The following PEX14 variants were observed in gnomAD, a reference collection of about 807,000 sequenced individuals.
PEX14 encodes the protein peroxisomal membrane protein PEX14.
In PEX14, 15 loss-of-function variants were observed where a neutral mutation model predicts 49.5. That is an observed-to-expected ratio of 0.30 (90% CI 0.20 to 0.47). PEX14 has a LOEUF of 0.47. Among genes scored for constraint, PEX14 ranks in the 20% least tolerant of loss-of-function variants. The pLI, the probability that PEX14 is intolerant of heterozygous loss-of-function variation, is 1.00. For synonymous variants in PEX14, 210 were observed against 212.7 expected, an observed-to-expected ratio of 0.99 and a Z score of 0.11; for missense variants, 398 against 494.8, an observed-to-expected ratio of 0.80 and a Z score of 1.86.
At chr1:10,590,013 C>T (rs1333616784) in intron 3 of PEX14, among the ~76,000 whole-genome samples, 1 of 152,192 alleles carries the variant, frequency 6.6e-6, no homozygotes, top group Non-Finnish European at 1.5e-5. Context: ...TCCACCCCCG[C>T]CCCATGCTGT....
At chr1:10,607,893 C>CT (rs1641169070) in intron 4 of PEX14, among the ~76,000 whole-genome samples, 1 of 152,122 alleles carries the variant, frequency 6.6e-6, no homozygotes, top group South Asian at 2.1e-4. Context: ...ATATATTTAT[C>CT]TTTTTTTCCT....
intron 2 of PEX14, among the ~76,000 whole-genome samples, chr1:10,517,654 C>CTTT (rs57222349): frequency 7.3e-6 from 1 of 136,736 alleles, no homozygotes. Context: ...CCATTTTGTT[C>CTTT]TTTTTTTTTT....
At chr1:10,602,978 A>G (rs968030874) in intron 4 of PEX14, among the ~76,000 whole-genome samples, 9 of 151,860 alleles carry the variant, frequency 5.9e-5, no homozygotes, top group African/African-American at 2.2e-4. Flanking sequence ...AGCCCCAAAC[A>G]CTCAGGTCTC....
At chr1:10,522,416 G>A (rs1638329942) in intron 2 of PEX14, among the ~76,000 whole-genome samples, 1 of 152,200 alleles carries the variant, frequency 6.6e-6, no homozygotes, top group African/African-American at 2.4e-5. Context: ...TGAGCTGACA[G>A]TCTCTTAAGG....
At chr1:10,507,936 C>A (rs1641815419) in intron 2 of PEX14, among the ~76,000 whole-genome samples, 1 of 152,194 alleles carries the variant, frequency 6.6e-6, no homozygotes, top group African/African-American at 2.4e-5. Context: ...TCTGTCAGAT[C>A]TTACTTGTTG....
intron 1 of PEX14, among the ~76,000 whole-genome samples, chr1:10,485,639 G>C (rs1641355132): frequency 6.6e-6 from 1 of 151,014 alleles, no homozygotes; most frequent in South Asian, 2.1e-4. Flanking sequence ...TTTGTTTTCA[G>C]GATACTGTTA....
At chr1:10,618,602 GCTTGGCAGGCT>G (rs1641499676) in intron 5 of PEX14, among the ~76,000 whole-genome samples, 185 bp downstream of exon 5, 1 of 152,224 alleles carries the variant, frequency 6.6e-6, no homozygotes, top group African/African-American at 2.4e-5. Context: ...CTGCTGTGGG[GCTTGGCAGGCT>G]CTGCCCACCT....
intron 4 of PEX14, among the ~76,000 whole-genome samples, chr1:10,616,329 A>G (rs1316243951): frequency 6.6e-6 from 1 of 152,172 alleles, no homozygotes; most frequent in Non-Finnish European, 1.5e-5. Context: ...CCCTGTGGTC[A>G]TAAAACGCCA....
chr1:10,501,746 C>G (rs1396060098), intron 2 of PEX14, among the ~76,000 whole-genome samples: 1 of 152,124 alleles, frequency 6.6e-6, no homozygotes, highest in Non-Finnish European at 1.5e-5. Flanking sequence ...GAAACCCTGT[C>G]TTTACAAAAA....
rs1641534467 is a variant in PEX14, at chr1:10,495,032, G to A, written c.37-242G>A. The A allele has an allele frequency of 1.2e-6, 1 of 866,228 alleles. No homozygotes were observed. The highest frequency in any genetic ancestry group is 1.8e-5 in the African/African-American group (1 of 54,836). 53.7% of individuals were successfully genotyped at this position (866,228 alleles called of 1,614,324 possible). A position where few individuals can be genotyped will look rare whatever the true frequency, so the allele number is the denominator to read the frequency against. The stretch of plus-strand genomic sequence containing the variant: ...GCCTTCCTGAGCAGAACCAAGCCTT[G>A]TTCTTGGAGTGGTGTGACAAGTGAA... On this transcript the variant is annotated intron_variant, in intron 1 of 8. Coordinates refer to ENST00000356607, the MANE Select transcript of PEX14 (RefSeq NM_004565.3). The surrounding 1 kb of genome is among the most constrained non-coding windows in gnomAD (Gnocchi z 4.2).
intron 3 of PEX14, among the ~76,000 whole-genome samples, chr1:10,568,323 T>TCCCCCCCCCCC (rs58295618): frequency 2.5e-5 from 3 of 118,718 alleles, no homozygotes; most frequent in African/African-American, 3.8e-5. Context: ...TAGATACTCT[T>TCCCCCCCCCCC]CCCCCCCCCC....
In PEX14 at chr1:10,630,667, AAC is replaced by A. The variant is rs1426361743; in HGVS notation, c.*684_*685del. 2 of 153,556 alleles carry A rather than the reference AAC, an allele frequency of 1.3e-5. No individual in the cohort carries two copies. Among genetic ancestry groups the A allele is most frequent in the African/African-American group, 4.8e-5 (2 of 41,454 alleles). The allele number at this position is 153,556 out of a possible 1,614,324, so 9.5% of individuals were successfully genotyped here. ...GCCAGCTCTGTCCTTCCCCCCAGGAAACACATGTTCATTTGTGTGATCATGTA... is the reference window on the plus strand; with the variant it reads ...GCCAGCTCTGTCCTTCCCCCCAGGAAACATGTTCATTTGTGTGATCATGTA... On this transcript the variant is annotated 3_prime_UTR_variant, in exon 9 of 9. Transcript: ENST00000356607. The surrounding 1 kb of genome is among the most constrained non-coding windows in gnomAD (Gnocchi z 4.1).
At chr1:10,590,521 C>T (rs1053594003) in intron 3 of PEX14, among the ~76,000 whole-genome samples, 1 of 152,052 alleles carries the variant, frequency 6.6e-6, no homozygotes, top group African/African-American at 2.4e-5. Context: ...GAGAAACAGA[C>T]AAAACTCATT....
In PEX14 at chr1:10,547,103, G is replaced by T. The variant is rs1240775451; in HGVS notation, c.169+10806G>T. 2.0e-5 allele frequency among the ~76,000 whole-genome samples: 3 copies of T among 152,116 alleles called. No individual in the cohort carries two copies. The South Asian group carries it at 6.2e-4, about 32-fold the overall frequency. On this transcript the variant is annotated intron_variant, in intron 3 of 8. Transcript: ENST00000356607. ...GCATGTCCTTGCAGCTGTGATCCAG[G>T]GACCAAGAAGTTGCTGCTGCCCCCA...
intron 3 of PEX14, among the ~76,000 whole-genome samples, chr1:10,545,948 G>C (rs530644467): frequency 5.1e-4 from 77 of 152,278 alleles, no homozygotes; most frequent in Middle Eastern, 3.4e-3. Context: ...GAGAGGCTGA[G>C]GCAGGAGGAT....
chr1:10,618,672 G>T (rs1053289368), intron 5 of PEX14, among the ~76,000 whole-genome samples: 1 of 152,238 alleles, frequency 6.6e-6, no homozygotes, highest in Non-Finnish European at 1.5e-5. Flanking sequence ...TTGCAGGGGC[G>T]TCGTGAGGTC....
Position 10,618,347 on chromosome 1 carries a change from G to A in PEX14, c.314G>A (p.Arg105Gln), listed in dbSNP as rs754085368. 20 of 1,613,780 alleles carry A rather than the reference G, an allele frequency of 1.2e-5. No homozygotes were observed. The highest frequency in any genetic ancestry group is 1.6e-4 in the Middle Eastern group (1 of 6,084). ...ISQPYSPAGSRWRDYGALAII... is the reference protein window; with the variant it reads ...ISQPYSPAGSQWRDYGALAII... ...CCGCCTGTAGGTCCCGCAGGCTCCC[G>A]ATGGCGAGATTACGGCGCCCTGGCC... Residue 105 changes from arginine to glutamine, a missense_variant, in exon 5 of 9, where the codon CGA becomes CAA. By Grantham distance (43) the Arg-to-Gln change is conservative. Coordinates refer to ENST00000356607, the MANE Select transcript of PEX14 (RefSeq NM_004565.3).
intron 1 of PEX14, among the ~76,000 whole-genome samples, chr1:10,476,483 A>G (rs1320986938): frequency 4.6e-5 from 7 of 152,220 alleles, no homozygotes; most frequent in African/African-American, 1.7e-4. Flanking sequence ...CTGGGATTGA[A>G]GGGTGTCCTC....
chr1:10,599,313 C>T lies in PEX14; in HGVS notation c.245C>T (p.Pro82Leu), dbSNP rs1640918494. The T allele has an allele frequency of 6.2e-7, 1 of 1,614,032 alleles. No individual in the cohort carries two copies. Among genetic ancestry groups the T allele is most frequent in the Admixed American group, 1.7e-5 (1 of 59,998 alleles). Residue 82 changes from proline to leucine, a missense_variant, in exon 4 of 9, where the codon CCA becomes CTA. This residue lies in a region of PEX14 where 202 missense variants were observed against 298.5 expected (regional missense o/e 0.68). Transcript: ENST00000356607. ...GCCGATGAGCCTTCGTCCTTGGGCCCAGCCACACAGGTGGTTCCTGTCCAG... is the reference window on the plus strand; with the variant it reads ...GCCGATGAGCCTTCGTCCTTGGGCCTAGCCACACAGGTGGTTCCTGTCCAG... ...TAADEPSSLG[P>L]ATQVVPVQPP...
Sources: allele counts gnomAD v4.1 joint callset (sites outside exome capture counted in the v4.1 genomes callset), GRCh38; gene constraint gnomAD v4.1.1; regional missense constraint gnomAD v4.1.1; non-coding constraint Gnocchi (gnomAD v3.1); transcripts MANE v1.5; gene names NCBI Gene and HGNC (gene_info 2026-07-23, HGNC 2026-07-21).